FNIP1: variants seen among roughly 807,000 people sequenced by gnomAD.
The protein encoded by FNIP1 is folliculin-interacting protein 1.
Under a neutral mutation model 124.5 loss-of-function variants are expected in FNIP1, and 40 were observed. That is an observed-to-expected ratio of 0.32 (90% CI 0.25 to 0.42). The LOEUF is 0.42. Among genes scored for constraint, FNIP1 ranks in the 10% least tolerant of loss-of-function variants. The probability of loss-of-function intolerance (pLI) is 1.00; values close to 1 mark genes in which losing one functional copy is unlikely to be tolerated. For missense variants in FNIP1, 1,176 were observed against 1,403.7 expected, an observed-to-expected ratio of 0.84 and a Z score of 2.59; for synonymous variants, 472 against 470.6, an observed-to-expected ratio of 1.00 and a Z score of -0.04.
intron 10 of FNIP1, among the ~76,000 whole-genome samples, chr5:131,699,797 TC>T (rs1369930850): frequency 2.7e-5 from 4 of 150,146 alleles, no homozygotes; most frequent in African/African-American, 9.7e-5. Flanking sequence ...ACGCCTGTAA[TC>T]CCAGCTATGA....
At chr5:131,729,931 G>A (rs758828446) in intron 3 of FNIP1, among the ~76,000 whole-genome samples, 19 of 151,654 alleles carry the variant, frequency 1.3e-4, no homozygotes, top group Admixed American at 6.6e-4. Flanking sequence ...AGTAGAGATA[G>A]GGTTTCTCCA....
At chr5:131,747,891 CT>C (rs1204808897) in intron 1 of FNIP1, among the ~76,000 whole-genome samples, 3 of 151,892 alleles carry the variant, frequency 2.0e-5, no homozygotes, top group Non-Finnish European at 2.9e-5. Context: ...AATACAAGGC[CT>C]CTGAGGAAGT....
chr5:131,694,897 G>C (rs1301580270), intron 11 of FNIP1, among the ~76,000 whole-genome samples: 1 of 151,990 alleles, frequency 6.6e-6, no homozygotes, highest in Non-Finnish European at 1.5e-5. Context: ...TTGAGACCAG[G>C]AGTTTGACAC....
At chr5:131,691,488 A>G (rs1043871397) in intron 11 of FNIP1, among the ~76,000 whole-genome samples, 1 of 152,214 alleles carries the variant, frequency 6.6e-6, no homozygotes, top group Non-Finnish European at 1.5e-5. Flanking sequence ...TAAAATCTAG[A>G]GCAGAAATTA....
chr5:131,719,823 C>A (rs1001760841), intron 3 of FNIP1, among the ~76,000 whole-genome samples: 7 of 152,136 alleles, frequency 4.6e-5, no homozygotes, highest in African/African-American at 1.7e-4. Flanking sequence ...AAAGAATATG[C>A]AGAATAATTT....
At chr5:131,744,730 T>A in intron 1 of FNIP1, 40 bp from the exon 2 acceptor site, 1 of 1,539,236 alleles carries the variant, frequency 6.5e-7, no homozygotes, top group Non-Finnish European at 8.8e-7. Context: ...TCCATTAGAG[T>A]TACATTAATA....
chr5:131,784,998 A>AC (rs1289786349), intron 1 of FNIP1, among the ~76,000 whole-genome samples: 1 of 104,212 alleles, frequency 9.6e-6, no homozygotes, highest in Non-Finnish European at 2.0e-5. Flanking sequence ...TATATATATG[A>AC]TATATATGAC....
intron 1 of FNIP1, among the ~76,000 whole-genome samples, chr5:131,761,201 T>G (rs963740599): frequency 2.0e-5 from 3 of 152,204 alleles, no homozygotes; most frequent in Non-Finnish European, 4.4e-5. Flanking sequence ...CAACATTTAA[T>G]TTTTTGGTCC....
rs1199944372 is a variant in FNIP1 at position 131,775,515 on chromosome 5, C to CATATT, written c.92+21310_92+21314dup. ...CAATATAAATATAAATATATATATA[C>CATATT]ATATTATATATACTTTTTTTTTTTT... On this transcript the variant is annotated intron_variant, in intron 1 of 17. Coordinates refer to ENST00000510461, the MANE Select transcript of FNIP1 (RefSeq NM_133372.3). Among the ~76,000 whole-genome samples, 4 of 145,962 alleles carry CATATT rather than the reference C, an allele frequency of 2.7e-5. No homozygotes were observed. The Admixed American group carries it at 2.7e-4, about 10-fold the overall frequency.
chr5:131,786,588 C>G (rs551034261), intron 1 of FNIP1, among the ~76,000 whole-genome samples: 1 of 152,230 alleles, frequency 6.6e-6, no homozygotes, highest in African/African-American at 2.4e-5. Context: ...AATGTGTCCC[C>G]GAAGTTCACA....
intron 8 of FNIP1, among the ~76,000 whole-genome samples, chr5:131,707,434 T>C (rs1379152553): frequency 6.6e-6 from 1 of 152,214 alleles, no homozygotes; most frequent in Non-Finnish European, 1.5e-5. Context: ...ACAGGCCAGA[T>C]GATAAATTAT....
intron 1 of FNIP1, among the ~76,000 whole-genome samples, chr5:131,773,871 A>T (rs1219965002): frequency 4.6e-5 from 7 of 152,190 alleles, no homozygotes; most frequent in Non-Finnish European, 1.0e-4. Flanking sequence ...AAAATGATTA[A>T]GAATCATTAG....
intron 1 of FNIP1, among the ~76,000 whole-genome samples, chr5:131,782,460 T>C (rs1397110587): frequency 6.6e-6 from 1 of 152,134 alleles, no homozygotes; most frequent in Non-Finnish European, 1.5e-5. Flanking sequence ...TCTCAGCTAC[T>C]CAGGAGGCTG....
At chr5:131,733,641 G>T (rs1770181023) in intron 2 of FNIP1, among the ~76,000 whole-genome samples, 1 of 152,154 alleles carries the variant, frequency 6.6e-6, no homozygotes, top group Non-Finnish European at 1.5e-5. Context: ...TTATTGATTT[G>T]CGTATGTTAA....
chr5:131,787,017 A>T (rs1214016633), intron 1 of FNIP1, among the ~76,000 whole-genome samples: 1 of 152,166 alleles, frequency 6.6e-6, no homozygotes, highest in Non-Finnish European at 1.5e-5. Flanking sequence ...AAATACTGGG[A>T]CTATCTCTTC....
rs1767788499 is a variant in FNIP1 at position 131,672,446 on chromosome 5, G to A, written c.1998C>T (p.Tyr666=). Residue 666 remains tyrosine (Y), a synonymous_variant, in exon 14 of 18, where the codon TAC becomes TAT. Transcript: ENST00000510461. The stretch of plus-strand genomic sequence containing the variant: ...CAAAGCAAGTTCTTAATTTATCTCT[G>A]TACTGTTTAACATCAACAGCATTTT... ...QEENAVDVKQ[Y]RDKLRTCFDA... is the part of the protein sequence containing the mutation. 6.2e-7 allele frequency: 1 copy of A among 1,613,424 alleles called. No homozygotes were observed. Among genetic ancestry groups the A allele is most frequent in the Non-Finnish European group, 8.5e-7 (1 of 1,180,024 alleles).
intron 11 of FNIP1, among the ~76,000 whole-genome samples, chr5:131,695,153 A>AAATAAATAAATAAAGC (rs1333332410): frequency 1.9e-4 from 27 of 140,920 alleles, no homozygotes; most frequent in African/African-American, 6.6e-4. Flanking sequence ...ATAAATAAAT[A>AAATAAATAAATAAAGC]AAGCATTAAC....
rs747337427 is a variant in FNIP1 at position 131,651,794 on chromosome 5, A to T, written c.3306+8T>A. ...TAAAGTAATGCAAGCAGTGTTACAC[A>T]TACTTACAAAATTTGGAGACAAGTT... On this transcript the variant is annotated splice_region_variant and intron_variant, in intron 16 of 17. Coordinates refer to ENST00000510461, the MANE Select transcript of FNIP1 (RefSeq NM_133372.3). The T allele has an allele frequency of 6.2e-7, 1 of 1,613,394 alleles. No homozygotes were observed. Among genetic ancestry groups the T allele is most frequent in the Non-Finnish European group, 8.5e-7 (1 of 1,179,492 alleles).
intron 17 of FNIP1, among the ~76,000 whole-genome samples, chr5:131,645,510 C>T (rs2149500798): frequency 6.6e-6 from 1 of 152,024 alleles, no homozygotes; most frequent in East Asian, 1.9e-4. Context: ...TGAATAAAAT[C>T]AGATACCATT....
Sources: allele counts gnomAD v4.1 joint callset (sites outside exome capture counted in the v4.1 genomes callset), GRCh38; gene constraint gnomAD v4.1.1; transcripts MANE v1.5; gene names NCBI Gene and HGNC (gene_info 2026-07-23, HGNC 2026-07-21).